The following SEMA5A variants were observed in gnomAD, a reference collection of about 807,000 sequenced individuals.
SEMA5A encodes the protein semaphorin 5A, also known as semaphorin-5A.
In SEMA5A, 55 loss-of-function variants were observed where a neutral mutation model predicts 135.5. The ratio of observed to expected loss-of-function variants is 0.41; its 90% CI spans 0.33 to 0.51. The LOEUF is 0.51. Among genes scored for constraint, SEMA5A ranks in the 20% least tolerant of loss-of-function variants. The probability of loss-of-function intolerance (pLI) is 0.37; values close to 1 mark genes in which losing one functional copy is unlikely to be tolerated. For synonymous variants in SEMA5A, 580 were observed against 546.5 expected (o/e 1.06, Z -0.85); for missense variants, 1,290 against 1,419.9 (o/e 0.91, Z 1.47).
chr5:9,079,443 C>T (rs2150099269), intron 16 of SEMA5A, among the ~76,000 whole-genome samples: 1 of 152,016 alleles, frequency 6.6e-6, no homozygotes, highest in African/African-American at 2.4e-5. Context: ...GCACTAAATG[C>T]CCACAAGAGA....
intron 1 of SEMA5A, among the ~76,000 whole-genome samples, chr5:9,476,706 G>A (rs1759679345): frequency 6.6e-6 from 1 of 152,028 alleles, no homozygotes; most frequent in African/African-American, 2.4e-5. Flanking sequence ...TTCATTTCAG[G>A]TGACATACTT....
At chr5:9,230,113 T>C (rs963044230) in intron 6 of SEMA5A, among the ~76,000 whole-genome samples, 2 of 151,474 alleles carry the variant, frequency 1.3e-5, no homozygotes, top group African/African-American at 4.9e-5. Context: ...GTCTCCCAAG[T>C]AGCTCGGATT....
chr5:9,346,894 G>A (rs7447180), intron 3 of SEMA5A, among the ~76,000 whole-genome samples: 8 of 142,588 alleles, frequency 5.6e-5, no homozygotes, highest in East Asian at 4.1e-4. Flanking sequence ...ATATATATAT[G>A]TGTGTGTGTG....
chr5:9,352,099 G>GGGGC (rs369347671), intron 3 of SEMA5A, among the ~76,000 whole-genome samples: 1 of 148,538 alleles, frequency 6.7e-6, no homozygotes, highest in Non-Finnish European at 1.5e-5. Flanking sequence ...CAGGTCGGGG[G>GGGGC]GGTTACTTAA....
intron 1 of SEMA5A, among the ~76,000 whole-genome samples, chr5:9,445,922 T>C (rs1452506049): frequency 6.6e-6 from 1 of 152,184 alleles, no homozygotes; most frequent in Non-Finnish European, 1.5e-5. Flanking sequence ...AAGAGTAAGA[T>C]GGCATGAAAG....
At chr5:9,105,309 G>A (rs1484804736) in intron 16 of SEMA5A, among the ~76,000 whole-genome samples, 1 of 152,240 alleles carries the variant, frequency 6.6e-6, no homozygotes, top group Non-Finnish European at 1.5e-5. Context: ...AATTTCACAA[G>A]TGAAGCTGGG....
At chr5:9,344,479 GA>G (rs1242106449) in intron 3 of SEMA5A, among the ~76,000 whole-genome samples, 1 of 152,170 alleles carries the variant, frequency 6.6e-6, no homozygotes, top group Non-Finnish European at 1.5e-5. Flanking sequence ...AGAAAAATTG[GA>G]AAGAAGGGAA....
At chr5:9,495,475 T>C (rs1735255276) in intron 1 of SEMA5A, among the ~76,000 whole-genome samples, 1 of 152,166 alleles carries the variant, frequency 6.6e-6, no homozygotes, top group South Asian at 2.1e-4. Context: ...TGTTTAGAAA[T>C]AGAATCTGTG....
intron 16 of SEMA5A, among the ~76,000 whole-genome samples, chr5:9,098,813 G>T (rs1020431580): frequency 6.6e-6 from 1 of 152,098 alleles, no homozygotes; most frequent in South Asian, 2.1e-4. Flanking sequence ...TTAATATCAA[G>T]TATTGAATAA....
In SEMA5A at chr5:9,066,486, A is replaced by C; in HGVS notation, c.2234T>G (p.Val745Gly). Reference sequence around the variant, plus strand: ...CCGCATTTCGATTCTCTGTCTTCCCACTTCCAGCAAATTCGGATCAGCCAG... The same window carrying C: ...CCGCATTTCGATTCTCTGTCTTCCCCCTTCCAGCAAATTCGGATCAGCCAG... ...ARLADPNLLE[V>G]GRQRIEMRYC... Residue 745 changes from valine (V) to glycine (G), a missense_variant, in exon 17 of 23, where the codon GTG (valine) becomes GGG (glycine). By Grantham distance (109) the Val-to-Gly change is moderately radical. Transcript: ENST00000382496. The C allele has an allele frequency of 6.2e-7, 1 of 1,614,126 alleles. No homozygotes were observed. The highest frequency in any genetic ancestry group is 8.5e-7 in the Non-Finnish European group (1 of 1,180,024).
At chr5:9,200,812 T>C (rs1321370792) in intron 9 of SEMA5A, among the ~76,000 whole-genome samples, 1 of 152,176 alleles carries the variant, frequency 6.6e-6, no homozygotes, top group African/African-American at 2.4e-5. Flanking sequence ...ATACCACTCA[T>C]GGGCAGGCAT....
At chr5:9,465,031 C>G (rs144090702) in intron 1 of SEMA5A, among the ~76,000 whole-genome samples, 1 of 151,946 alleles carries the variant, frequency 6.6e-6, no homozygotes, top group East Asian at 2.0e-4. Flanking sequence ...TCACCTGGAA[C>G]GAGCTGTAAA....
intron 1 of SEMA5A, among the ~76,000 whole-genome samples, chr5:9,525,668 G>A (rs1055821683): frequency 1.3e-5 from 2 of 152,150 alleles, no homozygotes; most frequent in Non-Finnish European, 1.5e-5. Context: ...ACCTCAAAAT[G>A]CCCCCATTTG....
At chr5:9,455,889 G>C (rs1758814593) in intron 1 of SEMA5A, among the ~76,000 whole-genome samples, 1 of 152,172 alleles carries the variant, frequency 6.6e-6, no homozygotes. Flanking sequence ...GTTGTTATTT[G>C]ACTAAAACTT....
intron 1 of SEMA5A, among the ~76,000 whole-genome samples, chr5:9,474,581 C>T (rs1385742587): frequency 6.6e-6 from 1 of 152,178 alleles, no homozygotes. Flanking sequence ...GCAAGAGAAA[C>T]ACCCACCACG....
chr5:9,410,636 A>C (rs1338178308), intron 2 of SEMA5A, among the ~76,000 whole-genome samples: 1 of 152,144 alleles, frequency 6.6e-6, no homozygotes, highest in Admixed American at 6.5e-5. Context: ...GCATGTTCTC[A>C]CTTATAAGTG....
intron 11 of SEMA5A, among the ~76,000 whole-genome samples, chr5:9,168,212 C>G (rs1743718615): frequency 6.6e-6 from 1 of 152,118 alleles, no homozygotes; most frequent in Non-Finnish European, 1.5e-5. Context: ...AGAAGCTACT[C>G]AGGGAGAAGC....
intron 11 of SEMA5A, among the ~76,000 whole-genome samples, chr5:9,162,552 G>A (rs372998697): frequency 4.5e-5 from 1 of 22,452 alleles, no homozygotes; most frequent in African/African-American, 1.8e-4. Flanking sequence ...GTGTATATAT[G>A]TGTGTGTGTG....
At chr5:9,143,936 C>T (rs936192544) in intron 12 of SEMA5A, among the ~76,000 whole-genome samples, 3 of 152,154 alleles carry the variant, frequency 2.0e-5, no homozygotes, top group Non-Finnish European at 2.9e-5. Context: ...AGGATTGTAC[C>T]AGGGGACCAA....
Sources: allele counts gnomAD v4.1 joint callset (sites outside exome capture counted in the v4.1 genomes callset), GRCh38; gene constraint gnomAD v4.1.1; transcripts MANE v1.5; gene names NCBI Gene and HGNC (gene_info 2026-07-23, HGNC 2026-07-21).